Variants in SGCZ observed in about 807,000 individuals in gnomAD.
SGCZ encodes the protein sarcoglycan zeta, also known as zeta-sarcoglycan.
In SGCZ, 40 loss-of-function variants were observed where a neutral mutation model predicts 41.3. The ratio of observed to expected loss-of-function variants is 0.97; its 90% CI spans 0.75 to 1.26. SGCZ has a LOEUF of 1.26. Ranked by LOEUF, SGCZ falls within the 50% of genes most tolerant of loss-of-function variation. SGCZ has a pLI of 0.00. For synonymous variants in SGCZ, 206 were observed against 137.5 expected (o/e 1.50, Z -3.49); for missense variants, 552 against 369.8 (o/e 1.49, Z -4.04).
chr8:14,270,092 G>A (rs943216399), intron 3 of SGCZ, among the ~76,000 whole-genome samples: 1 of 152,082 alleles, frequency 6.6e-6, no homozygotes, highest in African/African-American at 2.4e-5. Flanking sequence ...GGCACTTTGG[G>A]AGGCCGAGGC....
At chr8:14,995,179 T>C (rs995766925) in intron 1 of SGCZ, among the ~76,000 whole-genome samples, 2 of 152,358 alleles carry the variant, frequency 1.3e-5, no homozygotes, top group Middle Eastern at 3.4e-3. Context: ...CACTGAAGTA[T>C]ATTTATCAGG....
chr8:14,176,297 C>A (rs1002645216), intron 4 of SGCZ, among the ~76,000 whole-genome samples: 1 of 152,060 alleles, frequency 6.6e-6, no homozygotes, highest in African/African-American at 2.4e-5. Flanking sequence ...CATATTACAT[C>A]ATGGAAATTA....
At chr8:14,270,111 C>T (rs1369743826) in intron 3 of SGCZ, among the ~76,000 whole-genome samples, 2 of 151,990 alleles carry the variant, frequency 1.3e-5, no homozygotes, top group African/African-American at 4.8e-5. Flanking sequence ...GCAAGTGGAA[C>T]CCCTGAGGTC....
At chr8:14,706,268 T>C (rs1011400500) in intron 1 of SGCZ, among the ~76,000 whole-genome samples, 7 of 151,958 alleles carry the variant, frequency 4.6e-5, no homozygotes, top group African/African-American at 1.7e-4. Flanking sequence ...TAAAACAAAA[T>C]CTAGTTCACG....
intron 2 of SGCZ, among the ~76,000 whole-genome samples, chr8:14,440,247 G>C (rs1306546045): frequency 1.3e-5 from 2 of 151,922 alleles, no homozygotes. Context: ...ATATAAAAGA[G>C]CTCTATTTGA....
At position 14,193,984 on chromosome 8, in the gene SGCZ, A is replaced by T. The variant is rs116797691; in HGVS notation, c.425-29282T>A. Among the ~76,000 whole-genome samples, 650 of 151,954 alleles carry T rather than the reference A, an allele frequency of 4.3e-3. 4 individuals are homozygous for T. Among genetic ancestry groups the T allele is most frequent in the African/African-American group, 0.011 (451 of 41,518 alleles). On this transcript the variant is annotated intron_variant, in intron 4 of 7. Coordinates refer to ENST00000382080, the MANE Select transcript of SGCZ (RefSeq NM_139167.4). ...GGGATAGCTACATAACATAACTAGA[A>T]TTTCAAATTATCTTGACAAGTCAGC...
intron 3 of SGCZ, among the ~76,000 whole-genome samples, chr8:14,313,851 A>G (rs1352161855): frequency 1.3e-5 from 2 of 151,670 alleles, no homozygotes; most frequent in African/African-American, 2.4e-5. Flanking sequence ...TAGGTCTGCT[A>G]TGTCATCAGC....
At chr8:14,587,994 T>C (rs1805115944) in intron 1 of SGCZ, among the ~76,000 whole-genome samples, 1 of 152,146 alleles carries the variant, frequency 6.6e-6, no homozygotes, top group Non-Finnish European at 1.5e-5. Flanking sequence ...GTGGCATCTT[T>C]ACAAAAAGAT....
intron 2 of SGCZ, among the ~76,000 whole-genome samples, chr8:14,398,040 C>T (rs1419574411): frequency 2.0e-5 from 3 of 151,970 alleles, no homozygotes; most frequent in African/African-American, 7.2e-5. Flanking sequence ...CTCAAAGGAC[C>T]CTTTTTGTGA....
At chr8:14,815,973 C>G (rs557606447) in intron 1 of SGCZ, among the ~76,000 whole-genome samples, 10 of 152,102 alleles carry the variant, frequency 6.6e-5, no homozygotes, top group Admixed American at 5.9e-4. Flanking sequence ...ATAATGTGAG[C>G]CATTATACAA....
chr8:14,938,955 G>A (rs1376114999), intron 1 of SGCZ, among the ~76,000 whole-genome samples: 5 of 152,076 alleles, frequency 3.3e-5, no homozygotes, highest in Admixed American at 1.3e-4. Flanking sequence ...ATTATTTTCT[G>A]CTAAGCCCAA....
rs376335819 is a variant in SGCZ at position 15,041,842 on chromosome 8, C to T, written c.39+195743G>A. Reference sequence around the variant, plus strand: ...GAAAATATAACATATTAACTTACTACGCCAAAAGACAAAAGCATTAGTCAA... The same window carrying T: ...GAAAATATAACATATTAACTTACTATGCCAAAAGACAAAAGCATTAGTCAA... On this transcript the variant is annotated intron_variant, in intron 1 of 7. Transcript: ENST00000382080. 3.9e-5 allele frequency among the ~76,000 whole-genome samples: 6 copies of T among 152,174 alleles called. No homozygotes were observed. In the South Asian group the frequency reaches 8.3e-4, roughly 21 times the overall value.
intron 3 of SGCZ, among the ~76,000 whole-genome samples, chr8:14,277,825 G>A (rs563320305): frequency 6.6e-6 from 1 of 151,974 alleles, no homozygotes; most frequent in African/African-American, 2.4e-5. Flanking sequence ...CTTTCCCAAA[G>A]AAAGGTAATT....
intron 1 of SGCZ, among the ~76,000 whole-genome samples, chr8:14,968,321 C>T (rs1801184825): frequency 6.6e-6 from 1 of 152,076 alleles, no homozygotes; most frequent in South Asian, 2.1e-4. Context: ...CCTCTGGGAA[C>T]ATCTGAAACC....
At chr8:14,205,169 TTA>T (rs1341820112) in intron 4 of SGCZ, among the ~76,000 whole-genome samples, 1 of 3,688 alleles carries the variant, frequency 2.7e-4, no homozygotes, top group African/African-American at 5.7e-4. Flanking sequence ...ATCCTAGACT[TTA>T]TTTTTTTTTT....
At chr8:14,736,293 C>A (rs1414584847) in intron 1 of SGCZ, among the ~76,000 whole-genome samples, 2 of 152,086 alleles carry the variant, frequency 1.3e-5, no homozygotes, top group African/African-American at 2.4e-5. Flanking sequence ...ATCATCATCA[C>A]AATTAAGCAA....
intron 2 of SGCZ, among the ~76,000 whole-genome samples, chr8:14,529,317 CCTT>C (rs1215847605): frequency 2.6e-5 from 4 of 152,144 alleles, no homozygotes. Context: ...CTGCTTGACT[CCTT>C]CTACTTATAT....
chr8:14,438,167 A>G (rs1029549052), intron 2 of SGCZ, among the ~76,000 whole-genome samples: 1 of 152,038 alleles, frequency 6.6e-6, no homozygotes, highest in African/African-American at 2.4e-5. Flanking sequence ...AAACTTTAGC[A>G]TGTTGTAAAA....
intron 2 of SGCZ, among the ~76,000 whole-genome samples, chr8:14,382,053 A>G (rs1804387170): frequency 1.3e-5 from 2 of 152,188 alleles, no homozygotes; most frequent in South Asian, 4.1e-4. Context: ...TATTGTAAAG[A>G]GTATTCAGTG....
Sources: gnomAD v4.1 joint callset for allele counts (sites outside exome capture counted in the v4.1 genomes callset) on GRCh38, gnomAD v4.1.1 for gene constraint, MANE v1.5 for transcripts, NCBI Gene and HGNC (gene_info 2026-07-23, HGNC 2026-07-21) for gene names.